The following DLG2 variants were observed in gnomAD, a reference collection of about 807,000 sequenced individuals.
DLG2 encodes the protein disks large homolog 2.
Under a neutral mutation model 132.5 loss-of-function variants are expected in DLG2, and 45 were observed. The ratio of observed to expected loss-of-function variants is 0.34; its 90% CI spans 0.27 to 0.44. The LOEUF (loss-of-function observed/expected upper bound fraction) is 0.44. DLG2 is among the 20% of genes least tolerant of loss of function. The pLI is 1.00. For missense variants in DLG2, 1,045 were observed against 1,196.9 expected, an observed-to-expected ratio of 0.87 and a Z score of 1.87; for synonymous variants, 424 against 419.6, an observed-to-expected ratio of 1.01 and a Z score of -0.13.
chr11:85,581,704 G>A (rs1399638067), intron 3 of DLG2, among the ~76,000 whole-genome samples: 1 of 152,084 alleles, frequency 6.6e-6, no homozygotes, highest in African/African-American at 2.4e-5. Flanking sequence ...ATTCTAACCA[G>A]GTGGAACATT....
intron 6 of DLG2, among the ~76,000 whole-genome samples, chr11:84,667,950 CT>C (rs538415177): frequency 6.6e-6 from 1 of 152,186 alleles, no homozygotes; most frequent in South Asian, 2.1e-4. Context: ...AATTGAGCAA[CT>C]TTTGAGGGTA....
At chr11:84,774,248 G>A (rs1013084298) in intron 6 of DLG2, among the ~76,000 whole-genome samples, 5 of 151,834 alleles carry the variant, frequency 3.3e-5, no homozygotes, top group Admixed American at 6.6e-5. Flanking sequence ...GACTTCTACA[G>A]AAGAACTACA....
intron 16 of DLG2, among the ~76,000 whole-genome samples, chr11:83,844,299 C>A (rs2058182337): frequency 6.6e-6 from 1 of 150,974 alleles, no homozygotes; most frequent in Non-Finnish European, 1.5e-5. Flanking sequence ...AATCTCAGTA[C>A]TTTGGGAGGC....
At chr11:83,934,360 A>T (rs1286846786) in intron 14 of DLG2, among the ~76,000 whole-genome samples, 3 of 152,030 alleles carry the variant, frequency 2.0e-5, no homozygotes, top group African/African-American at 7.2e-5. Context: ...AAAGTTTGAT[A>T]TTTTGTTCAT....
In DLG2 at chr11:83,668,508, G is replaced by T. The variant is rs117177657; in HGVS notation, c.1826-35183C>A. On this transcript the variant is annotated intron_variant, in intron 18 of 27. Transcript: ENST00000376104. The stretch of plus-strand genomic sequence containing the variant: ...TTTTTCTTAGCCCTACTAAGTAGAG[G>T]TAATCACTGTTTTCTCTGGGTTACC... 2.6e-3 allele frequency among the ~76,000 whole-genome samples: 397 copies of T among 152,030 alleles called. 1 individual carries two copies. The highest frequency in any genetic ancestry group is 4.4e-3 in the Non-Finnish European group (300 of 67,958).
chr11:84,233,247 T>C (rs1361322949), intron 8 of DLG2, among the ~76,000 whole-genome samples: 1 of 152,084 alleles, frequency 6.6e-6, no homozygotes, highest in African/African-American at 2.4e-5. Context: ...TCTAAAATAA[T>C]AATTGGTCAC....
At chr11:83,850,177 G>A (rs138379794) in intron 16 of DLG2, among the ~76,000 whole-genome samples, 7,595 of 89,336 alleles carry the variant, frequency 0.085, 376 homozygotes, top group South Asian at 0.17. Context: ...TACTTGAGAC[G>A]GAGTCTCACT....
intron 6 of DLG2, among the ~76,000 whole-genome samples, chr11:84,956,689 A>G (rs1018683118): frequency 7.9e-5 from 12 of 152,202 alleles, no homozygotes; most frequent in African/African-American, 2.7e-4. Context: ...AATGTAACTC[A>G]GAGAATCACA....
chr11:84,998,770 GTC>G (rs1457887067), intron 6 of DLG2, among the ~76,000 whole-genome samples: 4 of 151,844 alleles, frequency 2.6e-5, no homozygotes, highest in Non-Finnish European at 2.9e-5. Context: ...TGTGCATAGG[GTC>G]CAATTCCAAC....
intron 6 of DLG2, among the ~76,000 whole-genome samples, chr11:84,902,557 G>T (rs2091018557): frequency 6.6e-6 from 1 of 152,118 alleles, no homozygotes; most frequent in African/African-American, 2.4e-5. Context: ...ATCCCCCAGG[G>T]TTCTGTCCGT....
intron 2 of DLG2, among the ~76,000 whole-genome samples, chr11:85,618,510 C>T (rs932470759): frequency 6.6e-6 from 1 of 152,152 alleles, no homozygotes; most frequent in Non-Finnish European, 1.5e-5. Flanking sequence ...CAAATTAACA[C>T]AGAAACAGAA....
intron 24 of DLG2, among the ~76,000 whole-genome samples, chr11:83,471,366 A>C (rs1207360876): frequency 1.3e-5 from 2 of 152,156 alleles, no homozygotes; most frequent in African/African-American, 4.8e-5. Context: ...GTTGGGGGCC[A>C]CAAAAATTCA....
chr11:83,791,544 G>C, intron 17 of DLG2: 2 of 562,796 alleles, frequency 3.6e-6, no homozygotes, highest in Non-Finnish European at 6.7e-6. Flanking sequence ...CAAGTTAAAG[G>C]ATTTCCAGAA....
chr11:84,103,895 A>AT (rs34175596), intron 9 of DLG2, among the ~76,000 whole-genome samples: 16 of 151,238 alleles, frequency 1.1e-4, no homozygotes, highest in Non-Finnish European at 1.5e-4. Flanking sequence ...ACCGACAATG[A>AT]TTTTTTTTTG....
intron 4 of DLG2, among the ~76,000 whole-genome samples, chr11:85,276,912 T>A (rs1595890341): frequency 6.6e-6 from 1 of 152,250 alleles, no homozygotes; most frequent in East Asian, 1.9e-4. Context: ...TTAAATGCAA[T>A]ATGTCAAACA....
chr11:84,284,036 C>G (rs1359066071), intron 7 of DLG2, among the ~76,000 whole-genome samples: 1 of 152,060 alleles, frequency 6.6e-6, no homozygotes, highest in Non-Finnish European at 1.5e-5. Context: ...AGGTCCAAAA[C>G]CAGCCTGACC....
chr11:83,481,412 C>T (rs2137273674), intron 22 of DLG2, among the ~76,000 whole-genome samples: 1 of 152,064 alleles, frequency 6.6e-6, no homozygotes. Flanking sequence ...ATTTCTGAAG[C>T]TCACTATAAA....
At chr11:85,497,911 C>A (rs182200322) in intron 3 of DLG2, among the ~76,000 whole-genome samples, 1 of 152,140 alleles carries the variant, frequency 6.6e-6, no homozygotes, top group Non-Finnish European at 1.5e-5. Flanking sequence ...GTCTGCCTCA[C>A]AGGAGCTCCT....
chr11:83,937,704 C>A (rs889551389), intron 14 of DLG2, among the ~76,000 whole-genome samples: 3 of 152,018 alleles, frequency 2.0e-5, no homozygotes, highest in African/African-American at 7.2e-5. Flanking sequence ...ATACAAATGA[C>A]AAATACACAC....
Sources: gnomAD v4.1 joint callset for allele counts (sites outside exome capture counted in the v4.1 genomes callset) on GRCh38, gnomAD v4.1.1 for gene constraint, MANE v1.5 for transcripts, NCBI Gene and HGNC (gene_info 2026-07-23, HGNC 2026-07-21) for gene names.